INPP5A: variants seen among roughly 807,000 people sequenced by gnomAD.
INPP5A encodes 43 kDa inositol polyphosphate 5-phophatase.
Under a neutral mutation model 65.2 loss-of-function variants are expected in INPP5A, and 14 were observed. That is an observed-to-expected ratio of 0.21 (90% confidence interval 0.14 to 0.34). The LOEUF (loss-of-function observed/expected upper bound fraction) is 0.34, where lower values mean the gene tolerates loss of function less well. INPP5A is among the 10% of genes least tolerant of loss of function. INPP5A has a pLI of 1.00. For missense variants in INPP5A, 431 were observed against 545.6 expected, an observed-to-expected ratio of 0.79 and a Z score of 2.09; for synonymous variants, 207 against 208.3, an observed-to-expected ratio of 0.99 and a Z score of 0.05.
chr10:132,743,186 C>G (rs1319794418), intron 9 of INPP5A, among the ~76,000 whole-genome samples: 4 of 124,352 alleles, frequency 3.2e-5, no homozygotes, highest in African/African-American at 1.2e-4. Context: ...GTGAGGGCAG[C>G]CCACCCACCA....
intron 8 of INPP5A, among the ~76,000 whole-genome samples, chr10:132,720,026 CG>C (rs1845835499): frequency 6.9e-6 from 1 of 145,358 alleles, no homozygotes; most frequent in African/African-American, 2.6e-5. Context: ...TCTGTCTGGG[CG>C]CCTTAGACGG....
At chr10:132,559,044 C>T (rs2071165055) in intron 1 of INPP5A, among the ~76,000 whole-genome samples, 1 of 152,248 alleles carries the variant, frequency 6.6e-6, no homozygotes, top group Admixed American at 6.5e-5. Context: ...GGCCCATGCC[C>T]TCTCTGTCCC....
chr10:132,649,054 T>C (rs1438835949), intron 3 of INPP5A, among the ~76,000 whole-genome samples: 1 of 152,242 alleles, frequency 6.6e-6, no homozygotes, highest in Non-Finnish European at 1.5e-5. Context: ...CCTAAAGCTC[T>C]TCTGATTGTT....
intron 4 of INPP5A, among the ~76,000 whole-genome samples, chr10:132,652,821 G>C (rs1445801117): frequency 6.6e-6 from 1 of 152,238 alleles, no homozygotes; most frequent in East Asian, 1.9e-4. Context: ...TCGGGGCTGA[G>C]AGCGGTCATT....
chr10:132,701,482 C>T (rs1845436702), intron 6 of INPP5A, among the ~76,000 whole-genome samples: 1 of 152,256 alleles, frequency 6.6e-6, no homozygotes, highest in Non-Finnish European at 1.5e-5. Context: ...ACACCCTCTG[C>T]CTCCATTTGC....
intron 14 of INPP5A, 150 bp from the exon 15 acceptor site, chr10:132,781,711 G>A (rs932711844): frequency 2.5e-5 from 17 of 687,048 alleles, no homozygotes; most frequent in Admixed American, 6.4e-5. Context: ...CACAAGGGCC[G>A]AGCTGCCTCT....
chr10:132,734,670 G>T (rs1846145605), intron 9 of INPP5A, among the ~76,000 whole-genome samples: 1 of 152,222 alleles, frequency 6.6e-6, no homozygotes, highest in African/African-American at 2.4e-5. Flanking sequence ...CAAGACCATG[G>T]CCTTGGGCAC....
chr10:132,699,878 G>A (rs950535950), intron 6 of INPP5A, among the ~76,000 whole-genome samples: 5 of 152,172 alleles, frequency 3.3e-5, no homozygotes, highest in African/African-American at 4.8e-5. Flanking sequence ...GCTGAGGCCC[G>A]GGGCCCAGAC....
At chr10:132,594,562 T>C (rs947293231) in intron 1 of INPP5A, among the ~76,000 whole-genome samples, 4 of 151,142 alleles carry the variant, frequency 2.6e-5, no homozygotes, top group Non-Finnish European at 4.4e-5. Context: ...TGTGTAGGTG[T>C]GCCCACATGC....
chr10:132,683,009 C>T (rs571857959), intron 4 of INPP5A, among the ~76,000 whole-genome samples: 2 of 149,396 alleles, frequency 1.3e-5, no homozygotes, highest in African/African-American at 5.0e-5. Flanking sequence ...GTGTGTTATC[C>T]TATGTGGAGG....
chr10:132,544,311 G>A (rs7074485), intron 1 of INPP5A, among the ~76,000 whole-genome samples: 4,080 of 152,330 alleles, frequency 0.027, 168 homozygotes, highest in African/African-American at 0.092. Context: ...AGGTTGGGGC[G>A]TCCTCATTTC....
chr10:132,682,174 G>A (rs2073056908), intron 4 of INPP5A, among the ~76,000 whole-genome samples: 2 of 106,196 alleles, frequency 1.9e-5, no homozygotes, highest in African/African-American at 5.4e-5. Context: ...GGTGGACAGC[G>A]TCCTGGAGAT....
intron 12 of INPP5A, among the ~76,000 whole-genome samples, chr10:132,770,841 C>T (rs1296228110): frequency 4.6e-5 from 7 of 152,138 alleles, no homozygotes; most frequent in Admixed American, 2.6e-4. Flanking sequence ...GTGGGAGTCT[C>T]GACGCGGCAC....
chr10:132,688,883 A>AGT lies in INPP5A; in HGVS notation c.307-1507_307-1506dup, dbSNP rs201494558. ...GCATGAGTTAGTGCATGAGTGTATGAGTGCAAGTGGGAGAGCAAGCACGTG... is the reference window on the plus strand; with the variant it reads ...GCATGAGTTAGTGCATGAGTGTATGAGTGTGCAAGTGGGAGAGCAAGCACGTG... On this transcript the variant is annotated intron_variant, in intron 4 of 15. Coordinates refer to ENST00000368594, the MANE Select transcript of INPP5A (RefSeq NM_005539.5). Among the ~76,000 whole-genome samples, 1,384 of 150,368 alleles carry AGT rather than the reference A, an allele frequency of 9.2e-3. 31 individuals are homozygous for AGT. Among genetic ancestry groups the AGT allele is most frequent in the African/African-American group, 0.032 (1,286 of 40,790 alleles).
rs1186984611 is a variant in INPP5A at position 132,675,515 on chromosome 10, C to G, written c.307-14877C>G. ...GAGGCACCTCCTGCAGTGTAAAACACGGAGAGAAGTGCGGTTGAGCATGGG... is the reference window on the plus strand; with the variant it reads ...GAGGCACCTCCTGCAGTGTAAAACAGGGAGAGAAGTGCGGTTGAGCATGGG... On this transcript the variant is annotated intron_variant, in intron 4 of 15. Transcript: ENST00000368594. This position sits in a 1 kb window ranked among gnomAD's most constrained non-coding sequence, Gnocchi z 4.2. 1.3e-5 allele frequency among the ~76,000 whole-genome samples: 2 copies of G among 152,172 alleles called. No homozygotes were observed. The highest frequency in any genetic ancestry group is 2.1e-4 in the South Asian group (1 of 4,826).
intron 2 of INPP5A, among the ~76,000 whole-genome samples, chr10:132,636,037 A>G (rs1435205634): frequency 1.3e-5 from 2 of 151,810 alleles, no homozygotes; most frequent in African/African-American, 4.8e-5. Flanking sequence ...ATATTGTACT[A>G]CTTCATGTGC....
chr10:132,704,665 C>T lies in INPP5A; in HGVS notation c.475-3648C>T, dbSNP rs1260632126. Among the ~76,000 whole-genome samples, 1 of 152,192 alleles carries T rather than the reference C, an allele frequency of 6.6e-6. No homozygotes were observed. Among genetic ancestry groups the T allele is most frequent in the East Asian group, 1.9e-4 (1 of 5,190 alleles). On this transcript the variant is annotated intron_variant, in intron 6 of 15. Transcript: ENST00000368594. This position sits in a 1 kb window ranked among gnomAD's most constrained non-coding sequence, Gnocchi z 4.5. Reference sequence around the variant, plus strand: ...GTGTGGATCCTGTGCGTGGCTGGGCCGTGGGGGGGCAGTGGCTGTTCCAGG... The same window carrying T: ...GTGTGGATCCTGTGCGTGGCTGGGCTGTGGGGGGGCAGTGGCTGTTCCAGG...
chr10:132,769,342 G>A (rs377317814), intron 12 of INPP5A, among the ~76,000 whole-genome samples: 6 of 152,210 alleles, frequency 3.9e-5, no homozygotes, highest in African/African-American at 7.2e-5. Context: ...TGTTTGAGGC[G>A]GTCAGGAGCA....
At chr10:132,541,548 A>T (rs905062933) in intron 1 of INPP5A, among the ~76,000 whole-genome samples, 7 of 152,308 alleles carry the variant, frequency 4.6e-5, no homozygotes, top group Admixed American at 1.3e-4. Flanking sequence ...GGAGGACCCG[A>T]AAGAGTTCTT....
Sources: gnomAD v4.1 joint callset for allele counts (sites outside exome capture counted in the v4.1 genomes callset) on GRCh38, gnomAD v4.1.1 for gene constraint, Gnocchi (gnomAD v3.1) non-coding constraint, MANE v1.5 for transcripts, NCBI Gene and HGNC (gene_info 2026-07-23, HGNC 2026-07-21) for gene names.